Variants in RTN4 observed in about 807,000 individuals in gnomAD.
The protein encoded by RTN4 is reticulon-4.
Under a neutral mutation model 90.4 loss-of-function variants are expected in RTN4, and 32 were observed. The ratio of observed to expected loss-of-function variants is 0.35; its 90% CI spans 0.27 to 0.48. RTN4 has a LOEUF of 0.48. Among genes scored for constraint, RTN4 ranks in the 20% least tolerant of loss-of-function variants. The probability of loss-of-function intolerance (pLI) is 0.99; values close to 1 mark genes in which losing one functional copy is unlikely to be tolerated. For synonymous variants in RTN4, 629 were observed against 552.5 expected (o/e 1.14, Z -1.94); for missense variants, 1,706 against 1,430.2 (o/e 1.19, Z -3.11).
rs147021453 is a variant in RTN4, at chr2:54,990,679, T to C, written c.3014-2981A>G. ...TGTAAACATGTTACTTTATAAACCATATGGGAAAGAATTTTAAAGCTTATC... is the reference window on the plus strand; with the variant it reads ...TGTAAACATGTTACTTTATAAACCACATGGGAAAGAATTTTAAAGCTTATC... On this transcript the variant is annotated intron_variant, in intron 3 of 8. Transcript: ENST00000337526. Among the ~76,000 whole-genome samples, 525 of 152,288 alleles carry C rather than the reference T, an allele frequency of 3.4e-3. 1 individual carries two copies. The highest frequency in any genetic ancestry group is 0.014 in the Middle Eastern group (4 of 294).
At chr2:55,065,113 G>A (rs868405199) in intron 2 of RTN4, among the ~76,000 whole-genome samples, 2 of 152,176 alleles carry the variant, frequency 1.3e-5, no homozygotes, top group African/African-American at 2.4e-5. Context: ...AAAAGCCATC[G>A]GTTCTACTCT....
At chr2:55,030,585 A>T (rs1369155812) in intron 1 of RTN4, among the ~76,000 whole-genome samples, 1 of 152,204 alleles carries the variant, frequency 6.6e-6, no homozygotes, top group African/African-American at 2.4e-5. Flanking sequence ...AATAAGGATA[A>T]TAAGAGTACC....
At chr2:55,096,265 G>A (rs1308973951) in intron 1 of RTN4, among the ~76,000 whole-genome samples, 1 of 151,976 alleles carries the variant, frequency 6.6e-6, no homozygotes, top group Non-Finnish European at 1.5e-5. Flanking sequence ...GGCGGAGGTT[G>A]CTGTGAGCCA....
intron 1 of RTN4, among the ~76,000 whole-genome samples, chr2:55,032,134 A>G (rs182485786): frequency 6.6e-6 from 1 of 152,048 alleles, no homozygotes; most frequent in Admixed American, 6.5e-5. Context: ...AGGCTGGAGT[A>G]CAGCGGGGCT....
In RTN4 at chr2:54,974,863, G is replaced by T. The variant is rs118130237; in HGVS notation, c.3361-99C>A. The T allele has an allele frequency of 6.2e-4, 573 of 922,406 alleles. 7 individuals are homozygous for T. In the East Asian group the frequency reaches 0.013, roughly 21 times the overall value. 57.1% of individuals were successfully genotyped at this position (922,406 alleles called of 1,614,324 possible). A position where few individuals can be genotyped will look rare whatever the true frequency, so the allele number is the denominator to read the frequency against. ...CCCATCTAAATGCCTACCTACAAAA[G>T]GCATACAACTTGAAGACTGGGTAAA... On this transcript the variant is annotated intron_variant, in intron 5 of 8. Transcript: ENST00000337526.
rs1381852059 is a variant in RTN4 at position 54,982,665 on chromosome 2, AAC to A, written c.3222-14_3222-13del. The A allele has an allele frequency of 6.3e-7, 1 of 1,598,376 alleles. No individual in the cohort carries two copies. The highest frequency in any genetic ancestry group is 8.5e-7 in the Non-Finnish European group (1 of 1,174,338). On this transcript the variant is annotated splice_polypyrimidine_tract_variant and intron_variant, in intron 4 of 8. Coordinates refer to ENST00000337526, the MANE Select transcript of RTN4 (RefSeq NM_020532.5). ...ATTCCAGATATGCCCTAGAAAACAA[AAC>A]ACATCATAATTGTCACTAATTGGAG...
intron 3 of RTN4, among the ~76,000 whole-genome samples, chr2:54,996,068 A>G (rs1679404052): frequency 6.6e-6 from 1 of 152,262 alleles, no homozygotes; most frequent in Admixed American, 6.5e-5. Flanking sequence ...TCTATACACT[A>G]GCAATAAACA....
chr2:54,987,388 CA>C, intron 4 of RTN4, 102 bp downstream of exon 4: 5 of 895,788 alleles, frequency 5.6e-6, no homozygotes, highest in South Asian at 2.9e-5. Context: ...TTATCTTTAA[CA>C]AAAAAATGCA....
chr2:55,021,392 C>CT (rs1681420794), intron 3 of RTN4, among the ~76,000 whole-genome samples: 1 of 106,158 alleles, frequency 9.4e-6, no homozygotes, highest in African/African-American at 5.0e-5. Context: ...TTTTTCCCTG[C>CT]CCCCCCCGCC....
chr2:55,026,266 C>A lies in RTN4; in HGVS notation c.1833G>T (p.Leu611Phe). The A allele has an allele frequency of 6.2e-7, 1 of 1,613,876 alleles. No homozygotes were observed. Among genetic ancestry groups the A allele is most frequent in the Non-Finnish European group, 8.5e-7 (1 of 1,179,902 alleles). Residue 611 changes from leucine (L) to phenylalanine (F), a missense_variant, in exon 3 of 9, where the codon TTG becomes TTT. Physicochemically the swap from Leu to Phe is conservative, Grantham distance 22. Coordinates refer to ENST00000337526, the MANE Select transcript of RTN4 (RefSeq NM_020532.5). Reference protein sequence around the residue: ...EESEATPSPVLPDIVMEAPLN... With the variant: ...EESEATPSPVFPDIVMEAPLN... ...ATGGTGCTTCCATAACAATGTCAGG[C>A]AAAACTGGTGAAGGAGTAGCTTCTG...
At chr2:55,125,432 A>G in the RTN4 span, among the ~76,000 whole-genome samples, 1 of 152,332 alleles carries the variant, frequency 6.6e-6, no homozygotes, top group African/African-American at 2.4e-5. Flanking sequence ...AAACAACCCC[A>G]TTAAAAAGTG....
chr2:55,077,673 A>G (rs1172632965), intron 2 of RTN4, among the ~76,000 whole-genome samples: 3 of 152,022 alleles, frequency 2.0e-5, no homozygotes, highest in South Asian at 2.1e-4. Flanking sequence ...ACACACGTTT[A>G]TAGCAGCACA....
rs542114850 is a variant in RTN4 at position 54,992,854 on chromosome 2, G to A, written c.3014-5156C>T. ...GAAGGCCGAGGCAGGTGGATCATGA[G>A]GTCAGGAGATCGAGACCATCCTTCC... is the stretch of plus-strand genomic sequence containing the variant. On this transcript the variant is annotated intron_variant, in intron 3 of 8. Transcript: ENST00000337526. Among the ~76,000 whole-genome samples, 7 of 152,050 alleles carry A rather than the reference G, an allele frequency of 4.6e-5. No homozygotes were observed. In the South Asian group the frequency reaches 6.2e-4, roughly 14 times the overall value.
chr2:55,035,353 C>G (rs1682602732), intron 1 of RTN4, among the ~76,000 whole-genome samples: 1 of 152,050 alleles, frequency 6.6e-6, no homozygotes, highest in Non-Finnish European at 1.5e-5. Flanking sequence ...AAAATATCCT[C>G]AAATGTTTAA....
chr2:55,047,533 C>T (rs186575032), intron 1 of RTN4, among the ~76,000 whole-genome samples: 244 of 149,822 alleles, frequency 1.6e-3, no homozygotes, highest in African/African-American at 5.8e-3. Context: ...TAAAAAGCAT[C>T]GCAATTGGCT....
chr2:54,973,898 AGAACG>A, intron 6 of RTN4, 31 bp from the exon 7 acceptor site: 1 of 1,592,936 alleles, frequency 6.3e-7, no homozygotes, highest in African/African-American at 1.3e-5. Flanking sequence ...CTTTTCAAAA[AGAACG>A]GAATGATTTG....
At chr2:55,032,589 T>C (rs1164928648) in intron 1 of RTN4, among the ~76,000 whole-genome samples, 1 of 152,002 alleles carries the variant, frequency 6.6e-6, no homozygotes, top group Non-Finnish European at 1.5e-5. Flanking sequence ...AAAAGATTTA[T>C]TGATAAACAA....
rs1157833401 is a variant in RTN4, at chr2:54,972,413, TG to T, written c.*742del. On this transcript the variant is annotated 3_prime_UTR_variant, in exon 9 of 9. Transcript: ENST00000337526. ...AATTAACTACAGTCAGTCTGTGCAA[TG>T]AAATTGATGTTGGAGTTCTATGTGT... The T allele has an allele frequency of 7.6e-6, 1 of 131,198 alleles. No individual in the cohort carries two copies. Among genetic ancestry groups the T allele is most frequent in the Non-Finnish European group, 1.8e-5 (1 of 55,960 alleles). The allele number at this position is 131,198 out of a possible 1,614,324, so 8.1% of individuals were successfully genotyped here.
rs753822935 is a variant in RTN4, at chr2:55,027,082, G to C, written c.1017C>G (p.Ile339Met). The C allele has an allele frequency of 6.2e-7, 1 of 1,612,912 alleles. No individual in the cohort carries two copies. The highest frequency in any genetic ancestry group is 8.5e-7 in the Non-Finnish European group (1 of 1,179,410). ...DEEEKLVSNNILHNQQELPTA... is the reference protein window; with the variant it reads ...DEEEKLVSNNMLHNQQELPTA... ...TAGGTAACTCTTGTTGATTATGAAG[G>C]ATGTTATTACTAACTAACTTCTCTT... Residue 339 changes from isoleucine (I) to methionine (M), a missense_variant, in exon 3 of 9, where the codon ATC becomes ATG. By Grantham distance (10) the Ile-to-Met change is conservative (BLOSUM62 1). Transcript: ENST00000337526.
Sources: gnomAD v4.1 joint callset for allele counts (sites outside exome capture counted in the v4.1 genomes callset) on GRCh38, gnomAD v4.1.1 for gene constraint, MANE v1.5 for transcripts, NCBI Gene and HGNC (gene_info 2026-07-23, HGNC 2026-07-21) for gene names.